The following GAN variants were observed in gnomAD, a reference collection of about 807,000 sequenced individuals.
The protein encoded by GAN is gigaxonin.
GAN carries 48 observed loss-of-function variants against 71.3 expected under a neutral mutation model. That is an observed-to-expected ratio of 0.67 (90% confidence interval 0.53 to 0.86). GAN has a LOEUF of 0.86. GAN is among the 40% of genes least tolerant of loss of function. The pLI, the probability that GAN is intolerant of heterozygous loss-of-function variation, is 0.00. For missense variants in GAN, 928 were observed against 770.1 expected (o/e 1.21, Z -2.43); for synonymous variants, 386 against 276.8 (o/e 1.39, Z -3.92).
rs1567503569 is a variant in GAN, at chr16:81,383,240, CTCTTTT to C, written c.*5646_*5651del. On this transcript the variant is annotated 3_prime_UTR_variant, in exon 11 of 11. Transcript: ENST00000648994. ...TTTAGTCAGAAATGACTGTTGCCCT[CTCTTTT>C]TTTTTTTTTTTTTTTTTTTTTTTTG... The C allele has an allele frequency of 2.9e-5, 4 of 138,066 alleles. No individual in the cohort carries two copies. The highest frequency in any genetic ancestry group is 6.2e-5 in the Non-Finnish European group (4 of 64,634). 8.6% of individuals were successfully genotyped at this position (138,066 alleles called of 1,614,324 possible).
intron 2 of GAN, among the ~76,000 whole-genome samples, chr16:81,352,436 T>G (rs1910330295): frequency 6.6e-6 from 1 of 152,122 alleles, no homozygotes; most frequent in Non-Finnish European, 1.5e-5. Flanking sequence ...CAGGGCTAGT[T>G]TTTTGTTTTG....
Position 81,375,684 on chromosome 16 carries a change from G to A in GAN, c.1503-1535G>A, listed in dbSNP as rs114170434. On this transcript the variant is annotated intron_variant, in intron 9 of 10. Transcript: ENST00000648994. ...CATTTTATAAAAGAACATAAAATGG[G>A]GCTGGGTATGGTGGCTCACACCTGC... Among the ~76,000 whole-genome samples, 1,361 of 152,058 alleles carry A rather than the reference G, an allele frequency of 9.0e-3. 22 individuals carry two copies. The highest frequency in any genetic ancestry group is 0.031 in the African/African-American group (1,291 of 41,496).
intron 9 of GAN, among the ~76,000 whole-genome samples, chr16:81,370,926 C>A (rs1911018104): frequency 6.6e-6 from 1 of 152,168 alleles, no homozygotes; most frequent in African/African-American, 2.4e-5. Context: ...TAAGGCACAC[C>A]ATGAAAGCCT....
At position 81,321,307 on chromosome 16, in the gene GAN, T is replaced by C. The variant is rs1170105266; in HGVS notation, c.167+6027T>C. Among the ~76,000 whole-genome samples the C allele has an allele frequency of 2.6e-5, 4 of 152,218 alleles. No homozygotes were observed. The East Asian group carries it at 7.7e-4, about 29-fold the overall frequency. On this transcript the variant is annotated intron_variant, in intron 1 of 10. Transcript: ENST00000648994. ...CGAGGATTGTTATTATGAGTAATAGTAATGTGATAGGAGTAAAACCTAGCT... is the reference window on the plus strand; with the variant it reads ...CGAGGATTGTTATTATGAGTAATAGCAATGTGATAGGAGTAAAACCTAGCT...
At chr16:81,362,453 G>C (rs754820782) in intron 5 of GAN, 46 bp from the exon 6 acceptor site, 1 of 961,144 alleles carries the variant, frequency 1.0e-6, no homozygotes, top group African/African-American at 1.6e-5. Context: ...GTTTATGGGT[G>C]TTGAAGACTC....
At position 81,363,678 on chromosome 16, in the gene GAN, C is replaced by G. The variant is rs896220831; in HGVS notation, c.1087-116C>G. 4.0e-6 allele frequency: 4 copies of G among 988,348 alleles called. No homozygotes were observed. The African/African-American group carries it at 6.4e-5, about 16-fold the overall frequency. 61.2% of individuals were successfully genotyped at this position (988,348 alleles called of 1,614,324 possible). The stretch of plus-strand genomic sequence containing the variant: ...TCCCTGTCTCCTTGCTCTAGGAGTC[C>G]CCATTGTCTATTTTTGCCATCTTTA... On this transcript the variant is annotated intron_variant, in intron 6 of 10. Coordinates refer to ENST00000648994, the MANE Select transcript of GAN (RefSeq NM_022041.4).
chr16:81,350,467 C>G (rs529429157), intron 1 of GAN, among the ~76,000 whole-genome samples: 1 of 152,012 alleles, frequency 6.6e-6, no homozygotes, highest in African/African-American at 2.4e-5. Context: ...ATTCTACTCC[C>G]AGGAGTAGAC....
intron 1 of GAN, among the ~76,000 whole-genome samples, chr16:81,343,711 A>G (rs1910022812): frequency 6.6e-6 from 1 of 152,236 alleles, no homozygotes; most frequent in Non-Finnish European, 1.5e-5. Context: ...CTGACACAAG[A>G]CAAGGATGCC....
In GAN at chr16:81,380,558, G is replaced by A. The variant is rs1304290908; in HGVS notation, c.*2962G>A. 1 of 152,148 alleles carries A rather than the reference G, an allele frequency of 6.6e-6. No individual in the cohort carries two copies. The highest frequency in any genetic ancestry group is 1.5e-5 in the Non-Finnish European group (1 of 68,000). The allele number at this position is 152,148 out of a possible 1,614,324, so 9.4% of individuals were successfully genotyped here. ...AATAGAAAAAGTGTGAGAGATGAAT[G>A]AGTGAGTTGTACGTGTGTGTGTGAT... On this transcript the variant is annotated 3_prime_UTR_variant, in exon 11 of 11. Coordinates refer to ENST00000648994, the MANE Select transcript of GAN (RefSeq NM_022041.4).
intron 9 of GAN, among the ~76,000 whole-genome samples, chr16:81,371,379 C>G (rs1325293469): frequency 6.6e-6 from 1 of 152,186 alleles, no homozygotes; most frequent in Non-Finnish European, 1.5e-5. Context: ...TTGAGGAGTT[C>G]TGGACTGAAT....
chr16:81,371,368 G>T (rs550948726), intron 9 of GAN, among the ~76,000 whole-genome samples: 1 of 152,256 alleles, frequency 6.6e-6, no homozygotes, highest in South Asian at 2.1e-4. Flanking sequence ...CTCTTCTTCT[G>T]TTGAGGAGTT....
At position 81,351,602 on chromosome 16, in the gene GAN, C is replaced by T. The variant is rs865797654; in HGVS notation, c.187C>T (p.Pro63Ser). Residue 63 changes from proline (P) to serine (S), a missense_variant, in exon 2 of 11, where the codon CCT becomes TCT. Pro to Ser is a moderately conservative substitution (Grantham distance 74). Coordinates refer to ENST00000648994, the MANE Select transcript of GAN (RefSeq NM_022041.4). ...PYIRTKLNYN[P>S]PKDDGSTYKI... is the part of the protein sequence containing the mutation. Reference sequence around the variant, plus strand: ...TCTTAGGACAAAGTTAAACTATAATCCTCCAAAAGATGATGGATCAACTTA... The same window carrying T: ...TCTTAGGACAAAGTTAAACTATAATTCTCCAAAAGATGATGGATCAACTTA... The T allele has an allele frequency of 2.0e-6, 3 of 1,487,170 alleles. No homozygotes were observed. The highest frequency in any genetic ancestry group is 2.8e-5 in the African/African-American group (2 of 72,528). The allele number at this position is 1,487,170 out of a possible 1,614,324, so 92.1% of individuals were successfully genotyped here.
chr16:81,323,660 T>G (rs1415757896), intron 1 of GAN, among the ~76,000 whole-genome samples: 2 of 152,218 alleles, frequency 1.3e-5, no homozygotes, highest in African/African-American at 2.4e-5. Flanking sequence ...GGGAGTTGAT[T>G]ACAGGTTTAG....
At chr16:81,362,211 G>A (rs973116292) in intron 5 of GAN, among the ~76,000 whole-genome samples, 7 of 152,156 alleles carry the variant, frequency 4.6e-5, no homozygotes, top group African/African-American at 1.7e-4. Context: ...GAGATGAATT[G>A]AGATGGCCCA....
chr16:81,377,531 A>T lies in GAN; in HGVS notation c.1729A>T (p.Asn577Tyr). 6.2e-7 allele frequency: 1 copy of T among 1,614,208 alleles called. No homozygotes were observed. The highest frequency in any genetic ancestry group is 8.5e-7 in the Non-Finnish European group (1 of 1,180,022). ...AGGATGTGCAGCCTTACGCATTGCGAATTGCAAGCTTTTCCGCCTGCAGCT... is the reference window on the plus strand; with the variant it reads ...AGGATGTGCAGCCTTACGCATTGCGTATTGCAAGCTTTTCCGCCTGCAGCT... ...RTGCAALRIA[N>Y]CKLFRLQLQQ... Residue 577 changes from asparagine (N) to tyrosine (Y), a missense_variant, in exon 11 of 11, where the codon AAT becomes TAT. Transcript: ENST00000648994.
rs542227165 is a variant in GAN, at chr16:81,384,127, G to C, written c.*6531G>C. 3.3e-5 allele frequency: 5 copies of C among 151,634 alleles called. No homozygotes were observed. Among genetic ancestry groups the C allele is most frequent in the Non-Finnish European group, 7.4e-5 (5 of 67,926 alleles). The allele number at this position is 151,634 out of a possible 1,614,324, so 9.4% of individuals were successfully genotyped here. A position where few individuals can be genotyped will look rare whatever the true frequency, so the allele number is the denominator to read the frequency against. ...ACATGCACTTATTCAGTTGTTCTTT[G>C]TGTTTATAGGAAAAACTCTGTTCTC... is the stretch of plus-strand genomic sequence containing the variant. On this transcript the variant is annotated 3_prime_UTR_variant, in exon 11 of 11. Transcript: ENST00000648994.
chr16:81,316,877 G>C (rs1157832319), intron 1 of GAN, among the ~76,000 whole-genome samples: 1 of 152,068 alleles, frequency 6.6e-6, no homozygotes, highest in Non-Finnish European at 1.5e-5. Context: ...TTTGTTTTTC[G>C]AGACTGAGTT....
intron 9 of GAN, 126 bp from the exon 10 acceptor site, chr16:81,377,093 G>T (rs753915437): frequency 2.6e-6 from 2 of 773,138 alleles, no homozygotes; most frequent in Non-Finnish European, 4.8e-6. Flanking sequence ...GCAGTGGAAC[G>T]TGGGGTCGAG....
rs751643674 is a variant in GAN, at chr16:81,351,564, AT to A, written c.168-12del. The stretch of plus-strand genomic sequence containing the variant: ...TTCTGTTCTTTCATAGAAATTTTAC[AT>A]TTTTTTCCCTTTCTTAGGACAAAGT... On this transcript the variant is annotated intron_variant, in intron 1 of 10. Coordinates refer to ENST00000648994, the MANE Select transcript of GAN (RefSeq NM_022041.4). 7 of 1,017,250 alleles carry A rather than the reference AT, an allele frequency of 6.9e-6. No homozygotes were observed. Among genetic ancestry groups the A allele is most frequent in the African/African-American group, 4.7e-5 (3 of 63,702 alleles). The allele number at this position is 1,017,250 out of a possible 1,614,324, so 63.0% of individuals were successfully genotyped here.
Sources: gnomAD v4.1 joint callset for allele counts (sites outside exome capture counted in the v4.1 genomes callset) on GRCh38, gnomAD v4.1.1 for gene constraint, MANE v1.5 for transcripts, NCBI Gene and HGNC (gene_info 2026-07-23, HGNC 2026-07-21) for gene names.